Variants in HSP90B1 observed in about 807,000 individuals in gnomAD.
The protein encoded by HSP90B1 is endoplasmin.
HSP90B1 carries 27 observed loss-of-function variants against 100.4 expected under a neutral mutation model. The observed-to-expected ratio is 0.27, with a 90% CI of 0.20 to 0.37. HSP90B1 has a LOEUF of 0.37. Among genes scored for constraint, HSP90B1 ranks in the 10% least tolerant of loss-of-function variants. HSP90B1 has a pLI of 1.00. For synonymous variants in HSP90B1, 304 were observed against 330.8 expected, an observed-to-expected ratio of 0.92 and a Z score of 0.88; for missense variants, 678 against 960.5, an observed-to-expected ratio of 0.71 and a Z score of 3.89.
chr12:103,934,998 G>C (rs757247212), intron 5 of HSP90B1, among the ~76,000 whole-genome samples: 33 of 152,318 alleles, frequency 2.2e-4, no homozygotes, highest in Non-Finnish European at 3.7e-4. Flanking sequence ...ACCGTGCCCA[G>C]CCAGAATGTG....
rs761026206 is a variant in HSP90B1 at position 103,931,545 on chromosome 12, T to C, written c.74T>C (p.Val25Ala). Residue 25 changes from valine to alanine, a missense_variant, in exon 2 of 18, where the codon GTT (valine) becomes GCT (alanine). Val to Ala is a moderately conservative substitution (Grantham distance 64, BLOSUM62 0). Coordinates refer to ENST00000299767, the MANE Select transcript of HSP90B1 (RefSeq NM_003299.3). Reference protein sequence around the residue: ...TFGSVRADDEVDVDGTVEEDL... With the variant: ...TFGSVRADDEADVDGTVEEDL... ...GGGTCGGTCAGAGCTGACGATGAAG[T>C]TGATGTGGATGGTACAGTAGAAGAG... is the stretch of plus-strand genomic sequence containing the variant. 3 of 1,613,580 alleles carry C rather than the reference T, an allele frequency of 1.9e-6. No homozygotes were observed. Among genetic ancestry groups the C allele is most frequent in the East Asian group, 4.5e-5 (2 of 44,866 alleles).
At chr12:103,942,396 C>A in intron 11 of HSP90B1, 131 bp from the exon 12 acceptor site, 1 of 793,168 alleles carries the variant, frequency 1.3e-6, no homozygotes, top group Non-Finnish European at 2.0e-6. Context: ...AGTGCTTCAC[C>A]ATTTCCTGCC....
intron 14 of HSP90B1, 84 bp from the exon 15 acceptor site, chr12:103,946,534 T>A: frequency 1.0e-6 from 1 of 954,150 alleles, no homozygotes; most frequent in Non-Finnish European, 1.7e-6. Flanking sequence ...AGAGTTGTTC[T>A]GTGTAATTAT....
chr12:103,930,422 G>C lies in HSP90B1; in HGVS notation c.-94G>C. 2 of 1,174,976 alleles carry C rather than the reference G, an allele frequency of 1.7e-6. No homozygotes were observed. The highest frequency in any genetic ancestry group is 3.1e-5 in the South Asian group (2 of 64,480). The allele number at this position is 1,174,976 out of a possible 1,614,324, so 72.8% of individuals were successfully genotyped here. A position where few individuals can be genotyped will look rare whatever the true frequency, so the allele number is the denominator to read the frequency against. On this transcript the variant is annotated 5_prime_UTR_variant, in exon 1 of 18. Coordinates refer to ENST00000299767, the MANE Select transcript of HSP90B1 (RefSeq NM_003299.3). The surrounding 1 kb of genome is among the most constrained non-coding windows in gnomAD (Gnocchi z 4.4). ...CTGCTTGCGGTGTAGTGGGCGGACC[G>C]CGCGGCTGGAGGTGTGAGGATCCGA...
chr12:103,947,633 G>A lies in HSP90B1; in HGVS notation c.2383G>A (p.Glu795Lys), dbSNP rs1870278614. 1 of 1,587,404 alleles carries A rather than the reference G, an allele frequency of 6.3e-7. No individual in the cohort carries two copies. The highest frequency in any genetic ancestry group is 8.6e-7 in the Non-Finnish European group (1 of 1,162,918). Residue 795 changes from glutamate to lysine, a missense_variant and splice_region_variant, in exon 18 of 18, where the codon GAA (glutamate) becomes AAA (lysine). Glu to Lys is a moderately conservative substitution (Grantham distance 56). This residue lies in a region of HSP90B1 where 65 missense variants were observed against 65.1 expected (regional missense o/e 1.00). Transcript: ENST00000299767. ...CTGGGTTTTTTTTATTTATTTACAG[G>A]AATCTACAGCTGAAAAAGATGAATT... ...GTDEEEETAK[E>K]STAEKDEL is the part of the protein sequence containing the mutation.
At chr12:103,932,523 G>C in intron 3 of HSP90B1, 105 bp downstream of exon 3, 1 of 967,964 alleles carries the variant, frequency 1.0e-6, no homozygotes, top group Non-Finnish European at 1.5e-6. Flanking sequence ...CAAGTAAGTA[G>C]GTAACAACCT....
In HSP90B1 at chr12:103,947,415, A is replaced by AG; in HGVS notation, c.2368dup (p.Glu790GlyfsTer10). ...AAATGGATGTGGGAACAGATGAAGA[A>AG]GAAGAAACAGCAAAGGTATGGCAAA... On this transcript the variant is annotated frameshift_variant, in exon 17 of 18. Transcript: ENST00000299767. LOFTEE classifies it high-confidence loss of function. The AG allele has an allele frequency of 6.2e-7, 1 of 1,614,042 alleles. No homozygotes were observed. Among genetic ancestry groups the AG allele is most frequent in the Non-Finnish European group, 8.5e-7 (1 of 1,179,874 alleles).
At chr12:103,939,276 A>C (rs1280991301) in intron 7 of HSP90B1, among the ~76,000 whole-genome samples, 1 of 33,412 alleles carries the variant, frequency 3.0e-5, no homozygotes, top group Non-Finnish European at 6.4e-5. Context: ...AGTTTTAAAA[A>C]TTTTTTGTAT....
intron 8 of HSP90B1, 127 bp from the exon 9 acceptor site, chr12:103,941,283 G>A (rs777891294): frequency 4.0e-5 from 33 of 829,866 alleles, no homozygotes; most frequent in Middle Eastern, 3.9e-4. Flanking sequence ...CCCACCTCCC[G>A]CCAGTAAAGG....
intron 5 of HSP90B1, among the ~76,000 whole-genome samples, chr12:103,934,936 C>G (rs751556685): frequency 6.6e-6 from 1 of 152,082 alleles, no homozygotes; most frequent in Non-Finnish European, 1.5e-5. Context: ...CCCGACCTCA[C>G]GTGATCCACC....
chr12:103,943,044 G>A lies in HSP90B1; in HGVS notation c.1645-30G>A. ...AAACAAATACACCAGGGCCAGACTT[G>A]GAAAACTTTGTGACTTCTTAATTTT... On this transcript the variant is annotated intron_variant, in intron 12 of 17. Coordinates refer to ENST00000299767, the MANE Select transcript of HSP90B1 (RefSeq NM_003299.3). The surrounding 1 kb of genome is among the most constrained non-coding windows in gnomAD (Gnocchi z 5.3). 1 of 1,610,644 alleles carries A rather than the reference G, an allele frequency of 6.2e-7. No homozygotes were observed. The highest frequency in any genetic ancestry group is 2.2e-5 in the East Asian group (1 of 44,834).
At chr12:103,947,544 A>G in intron 17 of HSP90B1, 89 bp from the exon 18 acceptor site, 2 of 1,583,398 alleles carry the variant, frequency 1.3e-6, no homozygotes, top group African/African-American at 1.4e-5. Context: ...CTGAGCATTT[A>G]AATTGTTTAT....
chr12:103,940,041 A>G (rs1429609883), intron 8 of HSP90B1, among the ~76,000 whole-genome samples: 1 of 152,224 alleles, frequency 6.6e-6, no homozygotes, highest in Non-Finnish European at 1.5e-5. Flanking sequence ...TTTAAACACA[A>G]TTGGTTTCCT....
At chr12:103,945,329 A>T (rs1269210634) in intron 14 of HSP90B1, among the ~76,000 whole-genome samples, 1 of 152,208 alleles carries the variant, frequency 6.6e-6, no homozygotes, top group Non-Finnish European at 1.5e-5. Context: ...AAAAGAGGAA[A>T]AAAAGCAAGT....
At chr12:103,939,660 A>AT (rs1177917711) in intron 8 of HSP90B1, 35 bp downstream of exon 8, 1 of 983,018 alleles carries the variant, frequency 1.0e-6, no homozygotes, top group Non-Finnish European at 1.5e-6. Context: ...TCTGGTTATT[A>AT]ATGAATAGAC....
At chr12:103,946,200 G>A (rs1165692) in intron 14 of HSP90B1, among the ~76,000 whole-genome samples, 62,358 of 151,882 alleles carry the variant, frequency 0.41, 14,052 homozygotes, top group African/African-American at 0.59. Context: ...TTCAATCCGA[G>A]GTTGATTGAC....
chr12:103,932,640 T>C (rs1327373040), intron 3 of HSP90B1, among the ~76,000 whole-genome samples, 186 bp from the exon 4 acceptor site: 2 of 152,216 alleles, frequency 1.3e-5, no homozygotes, highest in African/African-American at 4.8e-5. Flanking sequence ...GGCCTGATAA[T>C]AGTTGTGAGT....
chr12:103,931,045 G>C (rs1869740223), intron 1 of HSP90B1, among the ~76,000 whole-genome samples: 1 of 152,230 alleles, frequency 6.6e-6, no homozygotes, highest in Admixed American at 6.5e-5. Flanking sequence ...GTTTGATTCA[G>C]TTTTGCTGGA....
At position 103,939,644 on chromosome 12, in the gene HSP90B1, C is replaced by T; in HGVS notation, c.1092+19C>T. The T allele has an allele frequency of 8.5e-7, 1 of 1,174,710 alleles. No homozygotes were observed. Among genetic ancestry groups the T allele is most frequent in the Non-Finnish European group, 1.2e-6 (1 of 823,292 alleles). 72.8% of individuals were successfully genotyped at this position (1,174,710 alleles called of 1,614,324 possible). A position where few individuals can be genotyped will look rare whatever the true frequency, so the allele number is the denominator to read the frequency against. ...TTCAAAGGTAAATATTTATAATTCC[C>T]TAGTTTCTGGTTATTAATGAATAGA... On this transcript the variant is annotated intron_variant, in intron 8 of 17. Transcript: ENST00000299767.
Sources: allele counts gnomAD v4.1 joint callset (sites outside exome capture counted in the v4.1 genomes callset), GRCh38; gene constraint gnomAD v4.1.1; regional missense constraint gnomAD v4.1.1; non-coding constraint Gnocchi (gnomAD v3.1); transcripts MANE v1.5; gene names NCBI Gene and HGNC (gene_info 2026-07-23, HGNC 2026-07-21).